CADM2: variants seen among roughly 807,000 people sequenced by gnomAD.
CADM2 encodes immunoglobulin superfamily member 4D.
CADM2 carries 12 observed loss-of-function variants against 49.8 expected under a neutral mutation model. That is an observed-to-expected ratio of 0.24 (90% CI 0.15 to 0.39). The LOEUF (loss-of-function observed/expected upper bound fraction) is 0.39, where lower values mean the gene tolerates loss of function less well. Ranked by LOEUF, CADM2 falls within the 10% of genes least tolerant of loss-of-function variation. The pLI is 1.00. For missense variants in CADM2, 378 were observed against 492.3 expected (o/e 0.77, Z 2.20); for synonymous variants, 214 against 175.4 (o/e 1.22, Z -1.74).
intron 1 of CADM2, among the ~76,000 whole-genome samples, chr3:85,441,782 G>A (rs778772592): frequency 6.6e-6 from 1 of 152,012 alleles, no homozygotes. Context: ...AGAGTGGGAG[G>A]TTATGACACG....
intron 1 of CADM2, among the ~76,000 whole-genome samples, chr3:85,477,902 C>T (rs2039050025): frequency 6.6e-6 from 1 of 151,884 alleles, no homozygotes; most frequent in Non-Finnish European, 1.5e-5. Flanking sequence ...CACTAAAATT[C>T]TCAGCTATTT....
chr3:85,197,613 C>G (rs943514255), intron 1 of CADM2, among the ~76,000 whole-genome samples: 1 of 151,894 alleles, frequency 6.6e-6, no homozygotes, highest in Non-Finnish European at 1.5e-5. Flanking sequence ...GCTAGTTCCT[C>G]TAGTTCATTT....
intron 2 of CADM2, among the ~76,000 whole-genome samples, chr3:85,770,145 G>A (rs2070002907): frequency 6.6e-6 from 1 of 152,060 alleles, no homozygotes; most frequent in Non-Finnish European, 1.5e-5. Flanking sequence ...AGGCTTCAGT[G>A]TTCTTATCTG....
rs147620444 is a variant in CADM2, at chr3:85,652,412, C to G, written c.62-74110C>G. On this transcript the variant is annotated intron_variant, in intron 1 of 9. Transcript: ENST00000383699. Reference sequence around the variant, plus strand: ...ATTAAAAATTCTAGGCTCACCTTAGCTGGGTCCTATAATTCACAGTATCAG... The same window carrying G: ...ATTAAAAATTCTAGGCTCACCTTAGGTGGGTCCTATAATTCACAGTATCAG... Among the ~76,000 whole-genome samples, 9 of 152,248 alleles carry G rather than the reference C, an allele frequency of 5.9e-5. No individual in the cohort carries two copies. In the East Asian group the frequency reaches 1.7e-3, roughly 29 times the overall value.
intron 1 of CADM2, among the ~76,000 whole-genome samples, chr3:85,033,326 A>C (rs559103881): frequency 1.4e-3 from 213 of 152,298 alleles, no homozygotes; most frequent in Non-Finnish European, 2.6e-3. Context: ...GGGAATTTAA[A>C]GTTTATTTTT....
At chr3:85,108,129 C>T (rs2038316546) in intron 1 of CADM2, among the ~76,000 whole-genome samples, 2 of 151,902 alleles carry the variant, frequency 1.3e-5, no homozygotes, top group Admixed American at 1.3e-4. Flanking sequence ...TGTCATGTTT[C>T]TAGTAGCATT....
rs770327992 is a variant in CADM2 at position 86,072,709 on chromosome 3, A to G, written c.*5926A>G. On this transcript the variant is annotated 3_prime_UTR_variant, in exon 10 of 10. Transcript: ENST00000383699. Reference sequence around the variant, plus strand: ...GACACTTTTCTCTTTATATTTACTGATAGTGAAAATCATACGCAATAAAAT... The same window carrying G: ...GACACTTTTCTCTTTATATTTACTGGTAGTGAAAATCATACGCAATAAAAT... 2.0e-5 allele frequency: 3 copies of G among 152,072 alleles called. No homozygotes were observed. The highest frequency in any genetic ancestry group is 4.8e-5 in the African/African-American group (2 of 41,444). 9.4% of individuals were successfully genotyped at this position (152,072 alleles called of 1,614,324 possible). A position where few individuals can be genotyped will look rare whatever the true frequency, so the allele number is the denominator to read the frequency against.
At chr3:85,505,090 G>A (rs1207722757) in intron 1 of CADM2, among the ~76,000 whole-genome samples, 5 of 152,144 alleles carry the variant, frequency 3.3e-5, no homozygotes, top group African/African-American at 1.2e-4. Context: ...GAGGGAGCCG[G>A]CTCCGGCCTT....
At chr3:85,155,119 G>T (rs376614694) in intron 1 of CADM2, among the ~76,000 whole-genome samples, 113 of 147,274 alleles carry the variant, frequency 7.7e-4, no homozygotes, top group African/African-American at 2.8e-3. Context: ...TGGACTAAAT[G>T]CTCCAATTAA....
At chr3:85,836,660 T>C (rs1021512079) in intron 3 of CADM2, among the ~76,000 whole-genome samples, 6 of 151,498 alleles carry the variant, frequency 4.0e-5, no homozygotes, top group Non-Finnish European at 5.9e-5. Context: ...GGATACTGAA[T>C]TGGGGTAATT....
At chr3:86,064,775 C>T (rs1044730024) in intron 8 of CADM2, among the ~76,000 whole-genome samples, 2 of 152,156 alleles carry the variant, frequency 1.3e-5, no homozygotes, top group African/African-American at 4.8e-5. Flanking sequence ...ACTGGCCATC[C>T]TTTTCTGGGC....
intron 1 of CADM2, among the ~76,000 whole-genome samples, chr3:85,403,580 AT>A (rs1301773829): frequency 1.3e-5 from 2 of 152,112 alleles, no homozygotes; most frequent in Non-Finnish European, 2.9e-5. Flanking sequence ...CTTGCTCTTA[AT>A]AAGGCAGATC....
At chr3:85,155,359 G>T (rs994629058) in intron 1 of CADM2, among the ~76,000 whole-genome samples, 5 of 151,508 alleles carry the variant, frequency 3.3e-5, no homozygotes, top group African/African-American at 4.9e-5. Context: ...TTACATAATG[G>T]TAAAGGGATC....
intron 1 of CADM2, among the ~76,000 whole-genome samples, chr3:85,432,680 A>T (rs969328493): frequency 1.3e-5 from 2 of 152,168 alleles, no homozygotes; most frequent in African/African-American, 4.8e-5. Context: ...TCCTGCAAAT[A>T]CTGGTTCAGG....
At chr3:85,455,048 G>T (rs1197091305) in intron 1 of CADM2, among the ~76,000 whole-genome samples, 1 of 152,170 alleles carries the variant, frequency 6.6e-6, no homozygotes. Flanking sequence ...CTATGCTGTG[G>T]TCAGCCCATA....
intron 1 of CADM2, among the ~76,000 whole-genome samples, chr3:85,480,377 G>A (rs1328832082): frequency 6.6e-6 from 1 of 151,862 alleles, no homozygotes; most frequent in African/African-American, 2.4e-5. Flanking sequence ...CAAGGATTAT[G>A]TAGGTTTATG....
intron 1 of CADM2, among the ~76,000 whole-genome samples, chr3:85,312,375 A>G (rs966974034): frequency 3.6e-4 from 55 of 152,296 alleles, no homozygotes; most frequent in Admixed American, 3.4e-3. Context: ...ACAATGTTGC[A>G]TCAATATGTG....
intron 1 of CADM2, among the ~76,000 whole-genome samples, chr3:84,962,262 A>G (rs913151853): frequency 1.1e-4 from 17 of 151,650 alleles, no homozygotes; most frequent in African/African-American, 4.1e-4. Context: ...ACTAAAAGAG[A>G]TACGAGGATT....
At chr3:85,680,595 T>A (rs904743331) in intron 1 of CADM2, among the ~76,000 whole-genome samples, 7 of 152,208 alleles carry the variant, frequency 4.6e-5, no homozygotes, top group Non-Finnish European at 8.8e-5. Flanking sequence ...GAAGCCCAAC[T>A]GTGTCATACA....
Sources: gnomAD v4.1 joint callset for allele counts (sites outside exome capture counted in the v4.1 genomes callset) on GRCh38, gnomAD v4.1.1 for gene constraint, MANE v1.5 for transcripts, NCBI Gene and HGNC (gene_info 2026-07-23, HGNC 2026-07-21) for gene names.